Variants in TRIM39 observed in about 807,000 individuals in gnomAD.
TRIM39 encodes the protein E3 ubiquitin-protein ligase TRIM39.
A neutral mutation model predicts 53.6 loss-of-function variants in TRIM39; 5 were observed. That is an observed-to-expected ratio of 0.09 (90% CI 0.05 to 0.20). The LOEUF (loss-of-function observed/expected upper bound fraction) is 0.20. TRIM39 is among the 10% of genes least tolerant of loss of function. The pLI is 1.00. For synonymous variants in TRIM39, 196 were observed against 237.6 expected, an observed-to-expected ratio of 0.82 and a Z score of 1.61; for missense variants, 310 against 621.0, an observed-to-expected ratio of 0.50 and a Z score of 5.32.
intron 4 of TRIM39, among the ~76,000 whole-genome samples, chr6:30,333,336 ATGTTTT>A (rs986214873): frequency 2.9e-5 from 4 of 136,038 alleles, no homozygotes; most frequent in Non-Finnish European, 6.4e-5. Context: ...GCCCAGGCCT[ATGTTTT>A]TGTTTTTGTG....
Position 30,342,310 on chromosome 6 carries a change from G to T in TRIM39, c.*51G>T. Reference sequence around the variant, plus strand: ...GGTGAGGCAGGGTCAAGTGCTACGGGCCTCCTTCCCGTGTCCTGCTGGAAC... The same window carrying T: ...GGTGAGGCAGGGTCAAGTGCTACGGTCCTCCTTCCCGTGTCCTGCTGGAAC... On this transcript the variant is annotated 3_prime_UTR_variant, in exon 8 of 8. Transcript: ENST00000396551. The surrounding 1 kb of genome is among the most constrained non-coding windows in gnomAD (Gnocchi z 4.7). The T allele has an allele frequency of 3.2e-6, 5 of 1,580,142 alleles. No homozygotes were observed. The highest frequency in any genetic ancestry group is 4.3e-6 in the Non-Finnish European group (5 of 1,158,696).
At position 30,340,333 on chromosome 6, in the gene TRIM39, C is replaced by T. The variant is rs1373912900; in HGVS notation, c.804-172C>T. The stretch of plus-strand genomic sequence containing the variant: ...GATCTGTCCACGGGATCATAAGGCT[C>T]TCCTTGGATTAGTAAAAGAAATCAA... On this transcript the variant is annotated intron_variant, in intron 6 of 7. Coordinates refer to ENST00000396551, the Ensembl canonical transcript of TRIM39. 29 of 1,613,004 alleles carry T rather than the reference C, an allele frequency of 1.8e-5. No homozygotes were observed. The highest frequency in any genetic ancestry group is 5.5e-5 in the South Asian group (5 of 91,078).
At chr6:30,341,537 C>T in intron 7 of TRIM39, 175 bp from the exon 8 acceptor site, 1 of 941,516 alleles carries the variant, frequency 1.1e-6, no homozygotes, top group Non-Finnish European at 1.7e-6. Context: ...AGAAGTGAGC[C>T]ATTGCTTTCT....
intron 5 of TRIM39, among the ~76,000 whole-genome samples, chr6:30,337,545 C>A (rs749704440): frequency 3.1e-4 from 47 of 152,146 alleles, no homozygotes; most frequent in Non-Finnish European, 6.0e-4. Context: ...CCCATCTCTA[C>A]AAAAGGTAAT....
At chr6:30,341,495 GATT>G (rs903552602) in intron 7 of TRIM39, 55 of 783,738 alleles carry the variant, frequency 7.0e-5, no homozygotes, top group Middle Eastern at 6.7e-4. Context: ...AGACTCAAGA[GATT>G]ATTATCTGTT....
At chr6:30,329,535 C>A in exon 3 of TRIM39, 1 of 1,613,080 alleles carries the variant, frequency 6.2e-7, no homozygotes, top group Non-Finnish European at 8.5e-7. Flanking sequence ...CGAAAGACAT[C>A]CCGCTACCGC....
Position 30,335,909 on chromosome 6 carries a change from G to C in TRIM39, c.714G>C (p.Arg238=). The C allele has an allele frequency of 6.2e-7, 1 of 1,612,794 alleles. No homozygotes were observed. Among genetic ancestry groups the C allele is most frequent in the Non-Finnish European group, 8.5e-7 (1 of 1,179,992 alleles). The change falls in exon 5 of 8, where the codon CGG becomes CGC. Residue 238 remains arginine (R), a synonymous_variant. Coordinates refer to ENST00000396551, the Ensembl canonical transcript of TRIM39. This position sits in a 1 kb window ranked among gnomAD's most constrained non-coding sequence, Gnocchi z 4.7. ...CTGCTCACCTTGGGGACAAGCGCCG[G>C]GACCTGGCCCACTTGGCTGCCGAGG...
chr6:30,328,904 G>C lies in TRIM39; in HGVS notation c.-145G>C, dbSNP rs5030609. The C allele has an allele frequency of 3.8e-4, 65 of 172,486 alleles. 1 individual carries two copies. The Admixed American group carries it at 3.9e-3, about 10-fold the overall frequency. The allele number at this position is 172,486 out of a possible 1,614,324, so 10.7% of individuals were successfully genotyped here. A position where few individuals can be genotyped will look rare whatever the true frequency, so the allele number is the denominator to read the frequency against. ...TACTTCTCAGATTCCTTTCTTGTCT[G>C]TTAGAAACGTATGTCAAACGAGGAT... is the stretch of plus-strand genomic sequence containing the variant. On this transcript the variant is annotated 5_prime_UTR_variant, in exon 2 of 8. Coordinates refer to ENST00000396551, the Ensembl canonical transcript of TRIM39.
chr6:30,336,880 A>G (rs1269918976), intron 5 of TRIM39, among the ~76,000 whole-genome samples: 1 of 152,238 alleles, frequency 6.6e-6, no homozygotes, highest in African/African-American at 2.4e-5. Context: ...TCTATCAGAA[A>G]AATCACTATT....
intron 7 of TRIM39, 41 bp downstream of exon 7, chr6:30,340,661 G>A (rs999989980): frequency 6.3e-7 from 1 of 1,587,492 alleles, no homozygotes; most frequent in African/African-American, 1.4e-5. Flanking sequence ...AACCACTAGA[G>A]AGAAGAAAGT....
Position 30,335,862 on chromosome 6 carries a change from C to T in TRIM39, c.667C>T (p.Leu223=). Residue 223 remains leucine, a synonymous_variant, in exon 5 of 8, where the codon CTG becomes TTG. Coordinates refer to ENST00000396551, the Ensembl canonical transcript of TRIM39. This position sits in a 1 kb window ranked among gnomAD's most constrained non-coding sequence, Gnocchi z 4.7. ...ACTGGAAGAAGAGGAACAGGACATT[C>T]TGCAGCGACTCCGAGAAAATGCTGC... 1 of 1,613,010 alleles carries T rather than the reference C, an allele frequency of 6.2e-7. No individual in the cohort carries two copies. The highest frequency in any genetic ancestry group is 8.5e-7 in the Non-Finnish European group (1 of 1,180,024).
In TRIM39 at chr6:30,339,134, T is replaced by C. The variant is rs1342282892; in HGVS notation, c.781-774T>C. Among the ~76,000 whole-genome samples, 1 of 152,048 alleles carries C rather than the reference T, an allele frequency of 6.6e-6. No individual in the cohort carries two copies. Among genetic ancestry groups the C allele is most frequent in the Non-Finnish European group, 1.5e-5 (1 of 67,992 alleles). Reference sequence around the variant, plus strand: ...TTCACAAATCAGTATTAGCACACAGTTATTAATGTGTTTATTCTTCCTTTT... The same window carrying C: ...TTCACAAATCAGTATTAGCACACAGCTATTAATGTGTTTATTCTTCCTTTT... On this transcript the variant is annotated intron_variant, in intron 5 of 7. Transcript: ENST00000396551. The surrounding 1 kb of genome is among the most constrained non-coding windows in gnomAD (Gnocchi z 4.2).
chr6:30,340,585 A>C, exon 7 of TRIM39: 1 of 1,613,026 alleles, frequency 6.2e-7, no homozygotes. Context: ...CCCCGACAGT[A>C]CTTTGCCCTA....
chr6:30,335,773 T>G lies in TRIM39; in HGVS notation c.578T>G (p.Ile193Ser), dbSNP rs1786778321. 6.2e-7 allele frequency: 1 copy of G among 1,612,724 alleles called. No individual in the cohort carries two copies. Among genetic ancestry groups the G allele is most frequent in the Admixed American group, 1.7e-5 (1 of 59,986 alleles). ...CTAGTGGAAAGTCGCCGACAGCAGA[T>G]CTTGAGGGAGTTTGAAGAGCTTCAT... Residue 193 changes from isoleucine (I) to serine (S), a missense_variant, in exon 5 of 8, where the codon ATC (isoleucine) becomes AGC (serine). Physicochemically the swap from Ile to Ser is moderately radical, Grantham distance 142. This residue lies in a region of TRIM39 where 161 missense variants were observed against 210.0 expected (regional missense o/e 0.77). Transcript: ENST00000396551. The surrounding 1 kb of genome is among the most constrained non-coding windows in gnomAD (Gnocchi z 4.7).
intron 7 of TRIM39, among the ~76,000 whole-genome samples, chr6:30,340,935 C>T (rs1045125406): frequency 2.0e-5 from 3 of 152,170 alleles, no homozygotes; most frequent in South Asian, 2.1e-4. Context: ...AGGCCGGGTG[C>T]GGTGGCTCAC....
chr6:30,335,344 C>G lies in TRIM39; in HGVS notation c.550-401C>G, dbSNP rs756866671. ...CTTTCTTTCCTGTCTGTCTGTCTTT[C>G]ATCTCGATCTGTTGCCCAAGCTGGA... On this transcript the variant is annotated intron_variant, in intron 4 of 7. Transcript: ENST00000396551. The surrounding 1 kb of genome is among the most constrained non-coding windows in gnomAD (Gnocchi z 4.7). Among the ~76,000 whole-genome samples the G allele has an allele frequency of 1.3e-5, 2 of 151,918 alleles. No individual in the cohort carries two copies.
exon 8 of TRIM39, chr6:30,341,972 C>A: frequency 6.2e-7 from 1 of 1,613,064 alleles, no homozygotes; most frequent in Non-Finnish European, 8.5e-7. Context: ...GACTCCACTC[C>A]CTGAGACTGG....
At chr6:30,336,027 G>C in intron 5 of TRIM39, 52 bp downstream of exon 5, 1 of 1,605,308 alleles carries the variant, frequency 6.2e-7, no homozygotes, top group Non-Finnish European at 8.5e-7. Flanking sequence ...GCGTAGCTTT[G>C]CGTAGCCTGG....
In TRIM39 at chr6:30,333,502, C is replaced by T. The variant is rs185936966; in HGVS notation, c.550-2243C>T. On this transcript the variant is annotated intron_variant, in intron 4 of 7. Coordinates refer to ENST00000396551, the Ensembl canonical transcript of TRIM39. Reference sequence around the variant, plus strand: ...CCTCCCAAGTACCTGGGACTACAGGCGCCCACCACCACACCCAGCTGATTT... The same window carrying T: ...CCTCCCAAGTACCTGGGACTACAGGTGCCCACCACCACACCCAGCTGATTT... Among the ~76,000 whole-genome samples the T allele has an allele frequency of 2.4e-3, 362 of 151,750 alleles. 2 individuals are homozygous for T. The highest frequency in any genetic ancestry group is 8.3e-3 in the African/African-American group (343 of 41,336).
Sources: allele counts gnomAD v4.1 joint callset (sites outside exome capture counted in the v4.1 genomes callset), GRCh38; gene constraint gnomAD v4.1.1; regional missense constraint gnomAD v4.1.1; non-coding constraint Gnocchi (gnomAD v3.1); transcripts MANE v1.5; gene names NCBI Gene and HGNC (gene_info 2026-07-23, HGNC 2026-07-21).